TAFA1: variants seen among roughly 807,000 people sequenced by gnomAD.
TAFA1 encodes the protein TAFA chemokine like family member 1.
A neutral mutation model predicts 18.5 loss-of-function variants in TAFA1; 4 were observed. The ratio of observed to expected loss-of-function variants is 0.22; its 90% CI spans 0.11 to 0.49. TAFA1 has a LOEUF of 0.49. Ranked by LOEUF, TAFA1 falls within the 20% of genes least tolerant of loss-of-function variation. The pLI is 0.98. For missense variants in TAFA1, 147 were observed against 169.0 expected, an observed-to-expected ratio of 0.87 and a Z score of 0.72; for synonymous variants, 56 against 55.2, an observed-to-expected ratio of 1.01 and a Z score of -0.06.
At chr3:67,996,658 G>C in the TAFA1 span, among the ~76,000 whole-genome samples, 12 of 152,030 alleles carry the variant, frequency 7.9e-5, no homozygotes, top group Non-Finnish European at 1.6e-4. Context: ...AATTAGCCAG[G>C]TGTGGTGGTC....
At chr3:68,238,108 G>A (rs143924018) in intron 2 of TAFA1, among the ~76,000 whole-genome samples, 1 of 152,174 alleles carries the variant, frequency 6.6e-6, no homozygotes, top group African/African-American at 2.4e-5. Flanking sequence ...AGGCCACCAT[G>A]GTAATGTTCG....
At chr3:68,112,066 A>G (rs999315647) in intron 2 of TAFA1, among the ~76,000 whole-genome samples, 1 of 146,590 alleles carries the variant, frequency 6.8e-6, no homozygotes, top group Non-Finnish European at 1.5e-5. Flanking sequence ...AGAGTCACCA[A>G]TGAAAATAAC....
intron 2 of TAFA1, among the ~76,000 whole-genome samples, chr3:68,184,606 T>C (rs181661438): frequency 2.6e-4 from 40 of 152,278 alleles, no homozygotes; most frequent in African/African-American, 9.4e-4. Context: ...GCAGGACTAT[T>C]GATTAGCTCC....
At position 68,480,270 on chromosome 3, in the gene TAFA1, G is replaced by A. The variant is rs1486395081; in HGVS notation, c.260-58486G>A. 1.3e-5 allele frequency among the ~76,000 whole-genome samples: 2 copies of A among 151,826 alleles called. 1 individual carries two copies. Among genetic ancestry groups the A allele is most frequent in the East Asian group, 3.9e-4 (2 of 5,176 alleles). ...AAAAAAAAATTAGCCAGGCATGTTG[G>A]CACTCACCTGTAATCCCAGCTACTT... On this transcript the variant is annotated intron_variant, in intron 3 of 4. Transcript: ENST00000478136.
chr3:68,227,484 T>A (rs1407249136), intron 2 of TAFA1, among the ~76,000 whole-genome samples: 7 of 152,176 alleles, frequency 4.6e-5, no homozygotes, highest in African/African-American at 1.4e-4. Flanking sequence ...GTTGGTGACA[T>A]CCTATGTCCA....
chr3:68,478,596 T>A (rs940820195), intron 3 of TAFA1, among the ~76,000 whole-genome samples: 2 of 152,178 alleles, frequency 1.3e-5, no homozygotes, highest in African/African-American at 4.8e-5. Flanking sequence ...AAAATATGAA[T>A]AATCAGTTTT....
In TAFA1 at chr3:68,229,844, C is replaced by T. The variant is rs527541759; in HGVS notation, c.119-187436C>T. ...AGGCTCAGTTTCTTCATCTATATAA[C>T]GGAGAGATATATAATGCTTGCCTCA... On this transcript the variant is annotated intron_variant, in intron 2 of 4. Transcript: ENST00000478136. Among the ~76,000 whole-genome samples the T allele has an allele frequency of 5.9e-4, 90 of 152,184 alleles. 1 individual carries two copies. Among genetic ancestry groups the T allele is most frequent in the African/African-American group, 1.0e-3 (42 of 41,510 alleles).
chr3:68,478,416 A>T (rs1471483606), intron 3 of TAFA1, among the ~76,000 whole-genome samples: 2 of 152,204 alleles, frequency 1.3e-5, no homozygotes, highest in Non-Finnish European at 2.9e-5. Context: ...TGGAAATAAG[A>T]AGAAAAAAAA....
rs545337339 is a variant in TAFA1, at chr3:68,434,489, GC to G, written c.259+17070del. 8.0e-4 allele frequency among the ~76,000 whole-genome samples: 122 copies of G among 152,172 alleles called. No individual in the cohort carries two copies. The Middle Eastern group carries it at 0.01, about 13-fold the overall frequency. On this transcript the variant is annotated intron_variant, in intron 3 of 4. Coordinates refer to ENST00000478136, the MANE Select transcript of TAFA1 (RefSeq NM_213609.4). ...TGTCTGTTTTACAGTACATTGAAGAGCTTTTGCCCCCTTCTTTGTGTTCATG... is the reference window on the plus strand; with the variant it reads ...TGTCTGTTTTACAGTACATTGAAGAGTTTTGCCCCCTTCTTTGTGTTCATG...
At chr3:68,478,711 C>G (rs1246739092) in intron 3 of TAFA1, among the ~76,000 whole-genome samples, 1 of 151,772 alleles carries the variant, frequency 6.6e-6, no homozygotes, top group African/African-American at 2.4e-5. Context: ...TAAGAACAAC[C>G]TGAACTATAA....
At chr3:68,541,354 A>G (rs936420848) in intron 4 of TAFA1, among the ~76,000 whole-genome samples, 3 of 152,210 alleles carry the variant, frequency 2.0e-5, no homozygotes, top group African/African-American at 7.2e-5. Context: ...GGAACCATCT[A>G]TTCTGTGTAA....
intron 3 of TAFA1, among the ~76,000 whole-genome samples, chr3:68,456,946 G>A (rs143815030): frequency 2.8e-3 from 424 of 152,232 alleles, no homozygotes; most frequent in African/African-American, 8.8e-3. Context: ...GTGGCACCTC[G>A]TATGGGTCCC....
chr3:68,189,832 T>C (rs76397215), intron 2 of TAFA1, among the ~76,000 whole-genome samples: 6,828 of 152,020 alleles, frequency 0.045, 484 homozygotes, highest in African/African-American at 0.15. Context: ...CAAAAGAAGC[T>C]GCCGTTAATA....
intron 2 of TAFA1, among the ~76,000 whole-genome samples, chr3:68,220,451 T>C (rs2066715413): frequency 6.6e-6 from 1 of 152,106 alleles, no homozygotes; most frequent in African/African-American, 2.4e-5. Flanking sequence ...TTTTAATTTG[T>C]CTACAATTAA....
chr3:68,265,194 G>A (rs908717773), intron 2 of TAFA1, among the ~76,000 whole-genome samples: 4 of 152,022 alleles, frequency 2.6e-5, no homozygotes, highest in Admixed American at 1.3e-4. Flanking sequence ...CTTTTCTGAG[G>A]CTCTGATCCC....
intron 3 of TAFA1, among the ~76,000 whole-genome samples, chr3:68,528,693 G>C (rs1694578376): frequency 6.6e-6 from 1 of 152,132 alleles, no homozygotes; most frequent in South Asian, 2.1e-4. Flanking sequence ...GATTTGTCTT[G>C]ATTGAGGTAC....
intron 2 of TAFA1, among the ~76,000 whole-genome samples, chr3:68,354,144 A>T (rs968465808): frequency 2.0e-4 from 27 of 133,250 alleles, no homozygotes; most frequent in African/African-American, 7.7e-4. Flanking sequence ...TTTGAATTTC[A>T]TTTATTTTTC....
intron 2 of TAFA1, among the ~76,000 whole-genome samples, chr3:68,151,635 C>G (rs1323176009): frequency 6.6e-6 from 1 of 152,166 alleles, no homozygotes; most frequent in Admixed American, 6.6e-5. Context: ...TCATCAGCAA[C>G]TGACTCCAGC....
chr3:68,243,745 A>T (rs1333857750), intron 2 of TAFA1, among the ~76,000 whole-genome samples: 1 of 152,158 alleles, frequency 6.6e-6, no homozygotes, highest in Non-Finnish European at 1.5e-5. Flanking sequence ...ATTATAAATA[A>T]AGAGACCATG....
Sources: allele counts gnomAD v4.1 joint callset (sites outside exome capture counted in the v4.1 genomes callset), GRCh38; gene constraint gnomAD v4.1.1; transcripts MANE v1.5; gene names NCBI Gene and HGNC (gene_info 2026-07-23, HGNC 2026-07-21).